Variants in DACH1 observed in about 807,000 individuals in gnomAD.
DACH1 encodes the protein dachshund family transcription factor 1, also known as dachshund homolog 1.
In DACH1, 12 loss-of-function variants were observed where a neutral mutation model predicts 54.2. The ratio of observed to expected loss-of-function variants is 0.22; its 90% CI spans 0.14 to 0.36. The LOEUF (loss-of-function observed/expected upper bound fraction) is 0.36. Ranked by LOEUF, DACH1 falls within the 10% of genes least tolerant of loss-of-function variation. The probability of loss-of-function intolerance (pLI) is 1.00; values close to 1 mark genes in which losing one functional copy is unlikely to be tolerated. For missense variants in DACH1, 805 were observed against 929.8 expected, an observed-to-expected ratio of 0.87 and a Z score of 1.75; for synonymous variants, 386 against 366.2, an observed-to-expected ratio of 1.05 and a Z score of -0.62.
chr13:71,787,319 G>T (rs1886634598), intron 1 of DACH1, among the ~76,000 whole-genome samples: 1 of 152,140 alleles, frequency 6.6e-6, no homozygotes, highest in African/African-American at 2.4e-5. Context: ...AAGTCTAGTT[G>T]TGTTACTTTA....
At chr13:71,706,531 T>C (rs1026688025) in intron 1 of DACH1, among the ~76,000 whole-genome samples, 2 of 152,162 alleles carry the variant, frequency 1.3e-5, no homozygotes, top group Non-Finnish European at 2.9e-5. Flanking sequence ...ATGTGATTAC[T>C]TGGACATATT....
At chr13:71,537,663 A>G (rs1037600247) in intron 6 of DACH1, among the ~76,000 whole-genome samples, 6 of 152,112 alleles carry the variant, frequency 3.9e-5, no homozygotes, top group African/African-American at 1.4e-4. Context: ...ATGATTAGTC[A>G]TTTCTCAATC....
At chr13:71,608,162 T>G (rs1410922696) in intron 3 of DACH1, among the ~76,000 whole-genome samples, 2 of 151,948 alleles carry the variant, frequency 1.3e-5, no homozygotes, top group Non-Finnish European at 2.9e-5. Context: ...CAAAACATTT[T>G]TATATACACA....
intron 1 of DACH1, among the ~76,000 whole-genome samples, chr13:71,782,403 C>T (rs1398120716): frequency 1.3e-5 from 2 of 151,982 alleles, no homozygotes; most frequent in African/African-American, 4.8e-5. Context: ...GACCATGCCA[C>T]TGCACTCCAG....
chr13:71,779,047 T>C (rs1478122129), intron 1 of DACH1, among the ~76,000 whole-genome samples: 1 of 151,000 alleles, frequency 6.6e-6, no homozygotes, highest in African/African-American at 2.4e-5. Context: ...CAAACTTTCT[T>C]ACAGTGTGGA....
At chr13:71,560,248 A>C (rs1306426528) in intron 4 of DACH1, among the ~76,000 whole-genome samples, 1 of 152,168 alleles carries the variant, frequency 6.6e-6, no homozygotes, top group African/African-American at 2.4e-5. Context: ...AAAATAAACA[A>C]ATAAGAACCC....
At chr13:71,677,850 C>G (rs934789117) in intron 2 of DACH1, among the ~76,000 whole-genome samples, 1 of 151,824 alleles carries the variant, frequency 6.6e-6, no homozygotes, top group African/African-American at 2.4e-5. Context: ...ATCCCAAATA[C>G]TTGGGATTAC....
At chr13:71,616,749 T>C (rs1875797038) in intron 3 of DACH1, among the ~76,000 whole-genome samples, 1 of 151,186 alleles carries the variant, frequency 6.6e-6, no homozygotes, top group African/African-American at 2.4e-5. Flanking sequence ...AATGAACAAA[T>C]GAGAAAAGAA....
At chr13:71,452,709 C>T (rs946423785) in intron 10 of DACH1, among the ~76,000 whole-genome samples, 1 of 152,096 alleles carries the variant, frequency 6.6e-6, no homozygotes, top group South Asian at 2.1e-4. Flanking sequence ...GTTTGAAACT[C>T]GACAGAGGGT....
At position 71,440,305 on chromosome 13, in the gene DACH1, G is replaced by A. The variant is rs1873900064; in HGVS notation, c.*350C>T. On this transcript the variant is annotated 3_prime_UTR_variant, in exon 11 of 11. Transcript: ENST00000613252. ...GATGTGCTCAGATACAGAATTTTCA[G>A]AAGAGGAAAATGGTTCATTCCATTA... 1 of 198,360 alleles carries A rather than the reference G, an allele frequency of 5.0e-6. No homozygotes were observed. The highest frequency in any genetic ancestry group is 2.4e-5 in the African/African-American group (1 of 42,066). 12.3% of individuals were successfully genotyped at this position (198,360 alleles called of 1,614,324 possible). A position where few individuals can be genotyped will look rare whatever the true frequency, so the allele number is the denominator to read the frequency against.
intron 1 of DACH1, among the ~76,000 whole-genome samples, chr13:71,720,715 G>A (rs140334990): frequency 6.6e-6 from 1 of 152,168 alleles, no homozygotes; most frequent in African/African-American, 2.4e-5. Flanking sequence ...TCAATGCTTT[G>A]CTATCCATAT....
At chr13:71,572,249 A>G (rs1194190021) in intron 4 of DACH1, among the ~76,000 whole-genome samples, 4 of 151,920 alleles carry the variant, frequency 2.6e-5, no homozygotes, top group Admixed American at 1.3e-4. Context: ...TACGATGCAC[A>G]AACATACACA....
chr13:71,653,927 A>G (rs1326087675), intron 2 of DACH1, among the ~76,000 whole-genome samples: 2 of 152,212 alleles, frequency 1.3e-5, no homozygotes, highest in African/African-American at 4.8e-5. Flanking sequence ...AAAAAAAAGA[A>G]AGAATAGAAC....
At chr13:71,815,645 T>A (rs1409691529) in intron 1 of DACH1, among the ~76,000 whole-genome samples, 1 of 152,176 alleles carries the variant, frequency 6.6e-6, no homozygotes, top group African/African-American at 2.4e-5. Context: ...GAAAACAGTT[T>A]AACAATTTCC....
At chr13:71,552,834 TATATATATAGAGAGAGAG>T (rs1196638367) in intron 6 of DACH1, among the ~76,000 whole-genome samples, 24 of 33,168 alleles carry the variant, frequency 7.2e-4, no homozygotes, top group East Asian at 2.9e-3. Context: ...TATATATATA[TATATATATAGAGAGAGAG>T]AGAGAGAGAG....
At chr13:71,794,364 C>T (rs1886956156) in intron 1 of DACH1, among the ~76,000 whole-genome samples, 1 of 152,226 alleles carries the variant, frequency 6.6e-6, no homozygotes, top group Non-Finnish European at 1.5e-5. Context: ...GGTGTCTCCA[C>T]ATCAAATATT....
Position 71,614,472 on chromosome 13 carries a change from T to G in DACH1, c.1126+16084A>C, listed in dbSNP as rs574314838. ...GGAGGAAAAAAAACCCAAATTTCAG[T>G]TACTATTAAACACACATATATGATG... On this transcript the variant is annotated intron_variant, in intron 3 of 10. Coordinates refer to ENST00000613252, the MANE Select transcript of DACH1 (RefSeq NM_080759.6). 6.3e-4 allele frequency among the ~76,000 whole-genome samples: 96 copies of G among 152,174 alleles called. 2 individuals carry two copies. In the South Asian group the frequency reaches 0.019, roughly 30 times the overall value.
chr13:71,776,103 T>A (rs565258820), intron 1 of DACH1, among the ~76,000 whole-genome samples: 2 of 152,294 alleles, frequency 1.3e-5, no homozygotes, highest in East Asian at 3.9e-4. Context: ...AGCTTTGGAA[T>A]AATTAAGCAG....
chr13:71,598,386 C>T (rs535754026), intron 3 of DACH1, among the ~76,000 whole-genome samples: 2 of 152,154 alleles, frequency 1.3e-5, no homozygotes, highest in South Asian at 4.2e-4. Context: ...TCCTGAGTAG[C>T]TGGGATTACA....
Sources: allele counts gnomAD v4.1 joint callset (sites outside exome capture counted in the v4.1 genomes callset), GRCh38; gene constraint gnomAD v4.1.1; transcripts MANE v1.5; gene names NCBI Gene and HGNC (gene_info 2026-07-23, HGNC 2026-07-21).